MAPK8: variants seen among roughly 807,000 people sequenced by gnomAD.
MAPK8 encodes the protein JUN N-terminal kinase.
Under a neutral mutation model 52.9 loss-of-function variants are expected in MAPK8, and 13 were observed. That is an observed-to-expected ratio of 0.25 (90% CI 0.16 to 0.39). MAPK8 has a LOEUF of 0.39. MAPK8 is among the 10% of genes least tolerant of loss of function. The pLI is 1.00. For missense variants in MAPK8, 300 were observed against 519.2 expected (o/e 0.58, Z 4.10); for synonymous variants, 191 against 169.8 (o/e 1.12, Z -0.97).
At chr10:48,395,326 A>G (rs2041833139) in intron 1 of MAPK8, among the ~76,000 whole-genome samples, 1 of 152,096 alleles carries the variant, frequency 6.6e-6, no homozygotes, top group Non-Finnish European at 1.5e-5. Context: ...TTAATGGTAT[A>G]GAAAATAGTT....
intron 1 of MAPK8, among the ~76,000 whole-genome samples, chr10:48,327,535 C>T (rs1014304554): frequency 2.6e-5 from 4 of 152,134 alleles, no homozygotes; most frequent in Non-Finnish European, 5.9e-5. Context: ...AGATACTGGT[C>T]TGTAGCTTTC....
At chr10:48,393,196 C>T (rs910787363) in intron 1 of MAPK8, among the ~76,000 whole-genome samples, 3 of 151,726 alleles carry the variant, frequency 2.0e-5, no homozygotes, top group Non-Finnish European at 2.9e-5. Context: ...ACAACTCCTA[C>T]ATTTATCTTT....
At chr10:48,413,010 C>T (rs1263180117) in intron 5 of MAPK8, among the ~76,000 whole-genome samples, 1 of 152,172 alleles carries the variant, frequency 6.6e-6, no homozygotes, top group Non-Finnish European at 1.5e-5. Context: ...ATTTTGGCTA[C>T]TATAAATACC....
chr10:48,324,032 A>C (rs771911912), intron 1 of MAPK8, among the ~76,000 whole-genome samples: 1 of 152,214 alleles, frequency 6.6e-6, no homozygotes, highest in African/African-American at 2.4e-5. Flanking sequence ...CATCACTCCC[A>C]ACTGAAGAAT....
chr10:48,397,096 T>C (rs2440861), intron 1 of MAPK8, among the ~76,000 whole-genome samples: 108,253 of 151,976 alleles, frequency 0.71, 38,872 homozygotes, highest in African/African-American at 0.81. Flanking sequence ...AAACTAGAAA[T>C]TTTCCTCAGA....
chr10:48,327,575 A>ATTG (rs980705922), intron 1 of MAPK8, among the ~76,000 whole-genome samples: 1 of 152,120 alleles, frequency 6.6e-6, no homozygotes, highest in African/African-American at 2.4e-5. Flanking sequence ...TTTTATTATT[A>ATTG]TTAGAGTAAG....
At chr10:48,321,261 A>G (rs917314054) in intron 1 of MAPK8, among the ~76,000 whole-genome samples, 1 of 151,682 alleles carries the variant, frequency 6.6e-6, no homozygotes, top group Non-Finnish European at 1.5e-5. Flanking sequence ...CTAATTTTTA[A>G]AATTTTTTGT....
Position 48,409,868 on chromosome 10 carries a change from T to G in MAPK8, c.253-11T>G. ...ATTTCTAATTTTTCTGTCTCTCGAC[T>G]TTTATTATAGATAATTGGCCTTTTG... On this transcript the variant is annotated splice_polypyrimidine_tract_variant and intron_variant, in intron 3 of 11. Transcript: ENST00000374189. 1.3e-6 allele frequency: 2 copies of G among 1,589,888 alleles called. No homozygotes were observed. Among genetic ancestry groups the G allele is most frequent in the Non-Finnish European group, 1.7e-6 (2 of 1,162,990 alleles).
chr10:48,355,044 T>C (rs1426679093), intron 1 of MAPK8, among the ~76,000 whole-genome samples: 4 of 152,166 alleles, frequency 2.6e-5, no homozygotes, highest in Non-Finnish European at 5.9e-5. Flanking sequence ...GCAGACCTGC[T>C]GGAAAATAGG....
intron 1 of MAPK8, among the ~76,000 whole-genome samples, chr10:48,314,029 T>A (rs1564467486): frequency 6.6e-6 from 1 of 152,218 alleles, no homozygotes; most frequent in Non-Finnish European, 1.5e-5. Context: ...AATGGCATGC[T>A]TTTTTAACAT....
intron 1 of MAPK8, among the ~76,000 whole-genome samples, chr10:48,347,174 T>C (rs953563498): frequency 6.6e-6 from 1 of 152,074 alleles, no homozygotes; most frequent in Non-Finnish European, 1.5e-5. Flanking sequence ...AAACCTGCAC[T>C]TCCACCCCCC....
At chr10:48,335,366 C>A (rs946330878) in intron 1 of MAPK8, among the ~76,000 whole-genome samples, 2 of 151,956 alleles carry the variant, frequency 1.3e-5, no homozygotes, top group African/African-American at 4.8e-5. Flanking sequence ...TAACAAAGTT[C>A]TTTGTTTAAA....
rs965289448 is a variant in MAPK8 at position 48,306,679 on chromosome 10, T to TA, written c.-191dup. 12 of 150,980 alleles carry TA rather than the reference T, an allele frequency of 7.9e-5. No individual in the cohort carries two copies. The highest frequency in any genetic ancestry group is 4.6e-4 in the Admixed American group (7 of 15,166). The allele number at this position is 150,980 out of a possible 1,614,324, so 9.4% of individuals were successfully genotyped here. A position where few individuals can be genotyped will look rare whatever the true frequency, so the allele number is the denominator to read the frequency against. ...GCGCGGTGACGGCCCGCGTCTCTGT[T>TA]ACTCAGCCGAGCGGCCGAGGCCGGA... On this transcript the variant is annotated 5_prime_UTR_variant, in exon 1 of 12. Transcript: ENST00000374189.
chr10:48,325,128 A>G (rs1042549667), intron 1 of MAPK8, among the ~76,000 whole-genome samples: 4 of 151,958 alleles, frequency 2.6e-5, no homozygotes, highest in African/African-American at 9.7e-5. Context: ...GGCACGTGCC[A>G]CCATGCCTGG....
At chr10:48,406,561 G>C (rs2042482624) in intron 3 of MAPK8, among the ~76,000 whole-genome samples, 1 of 152,226 alleles carries the variant, frequency 6.6e-6, no homozygotes, top group South Asian at 2.1e-4. Context: ...GTGGACAAGA[G>C]TAGGTACTCA....
At chr10:48,352,868 G>C (rs1310868522) in intron 1 of MAPK8, among the ~76,000 whole-genome samples, 1 of 152,070 alleles carries the variant, frequency 6.6e-6, no homozygotes, top group African/African-American at 2.4e-5. Flanking sequence ...AAAATCCTAA[G>C]TAATCTACAA....
intron 1 of MAPK8, among the ~76,000 whole-genome samples, chr10:48,395,073 T>C (rs1429680540): frequency 1.3e-5 from 2 of 151,960 alleles, no homozygotes; most frequent in Non-Finnish European, 2.9e-5. Context: ...ATTACTATAA[T>C]ACCATTTCTC....
At chr10:48,370,743 T>C (rs1246923915) in intron 1 of MAPK8, among the ~76,000 whole-genome samples, 1 of 152,016 alleles carries the variant, frequency 6.6e-6, no homozygotes, top group Non-Finnish European at 1.5e-5. Context: ...AGCAAGTTAG[T>C]TTTAGAGGGA....
chr10:48,320,211 C>CTTTTT (rs71026206), intron 1 of MAPK8, among the ~76,000 whole-genome samples: 6,461 of 35,316 alleles, frequency 0.18, 2,309 homozygotes, highest in East Asian at 0.29. Flanking sequence ...ACTGCTCGGC[C>CTTTTT]TTTTTTTTTT....
Sources: gnomAD v4.1 joint callset for allele counts (sites outside exome capture counted in the v4.1 genomes callset) on GRCh38, gnomAD v4.1.1 for gene constraint, MANE v1.5 for transcripts, NCBI Gene and HGNC (gene_info 2026-07-23, HGNC 2026-07-21) for gene names.